The following ADGRG1 variants were observed in gnomAD, a reference collection of about 807,000 sequenced individuals.
ADGRG1 encodes 7-transmembrane protein with no EGF-like N-terminal domains-1.
A neutral mutation model predicts 73.5 loss-of-function variants in ADGRG1; 53 were observed. The observed-to-expected ratio is 0.72, with a 90% CI of 0.58 to 0.91. ADGRG1 has a LOEUF of 0.91. ADGRG1 is among the 40% of genes least tolerant of loss of function. The pLI, the probability that ADGRG1 is intolerant of heterozygous loss-of-function variation, is 0.00. For synonymous variants in ADGRG1, 394 were observed against 374.4 expected (o/e 1.05, Z -0.60); for missense variants, 795 against 871.8 (o/e 0.91, Z 1.11).
At chr16:57,638,903 C>G (rs1421146966) in intron 1 of ADGRG1, among the ~76,000 whole-genome samples, 1 of 152,016 alleles carries the variant, frequency 6.6e-6, no homozygotes, top group Non-Finnish European at 1.5e-5. Context: ...AACCCCGTCT[C>G]TACTAAAAAT....
In ADGRG1 at chr16:57,637,606, C is replaced by T. The variant is rs144828082; in HGVS notation, c.-36+8804C>T. 21 of 985,396 alleles carry T rather than the reference C, an allele frequency of 2.1e-5. No homozygotes were observed. The East Asian group carries it at 5.7e-4, about 27-fold the overall frequency. The allele number at this position is 985,396 out of a possible 1,614,324, so 61.0% of individuals were successfully genotyped here. ...AGGTTTCACCAGAGAACAGCAAGTC[C>T]TTTCTTTGCTTTCTTTTCCTCTTCC... On this transcript the variant is annotated intron_variant, in intron 1 of 13. Transcript: ENST00000562631.
chr16:57,630,511 G>A (rs565822185), intron 1 of ADGRG1: 69 of 985,484 alleles, frequency 7.0e-5, no homozygotes, highest in Non-Finnish European at 7.6e-5. Flanking sequence ...CCTGGCTCCC[G>A]TAGGCCTGGG....
At chr16:57,630,582 C>T (rs2037555090) in intron 1 of ADGRG1, 3 of 956,842 alleles carry the variant, frequency 3.1e-6, no homozygotes, top group African/African-American at 3.5e-5. Context: ...CTGTGACGGA[C>T]AGGCTGTGTC....
In ADGRG1 at chr16:57,655,460, C is replaced by T. The variant is rs546067405; in HGVS notation, c.830C>T (p.Thr277Met). Residue 277 changes from threonine (T) to methionine (M), a missense_variant, in exon 6 of 14, where the codon ACG (threonine) becomes ATG (methionine). Coordinates refer to ENST00000562631, the MANE Select transcript of ADGRG1 (RefSeq NM_201525.4). ...CTGCCTCGAACACTCTTCCAGAGGA[C>T]GAAAGGCCGGAGCGGGGAGGCTGAG... ...VLLPRTLFQR[T>M]KGRSGEAEKR... The T allele has an allele frequency of 1.0e-4, 161 of 1,613,742 alleles. 1 individual carries two copies. In the South Asian group the frequency reaches 1.2e-3, roughly 12 times the overall value.
At chr16:57,653,617 CAG>C in intron 4 of ADGRG1, 2 of 977,918 alleles carry the variant, frequency 2.0e-6, no homozygotes, top group Non-Finnish European at 2.4e-6. Flanking sequence ...GACCAAGGCT[CAG>C]AGACGGCAGA....
chr16:57,637,343 T>C (rs1343400604), intron 1 of ADGRG1: 1 of 985,308 alleles, frequency 1.0e-6, no homozygotes, highest in Non-Finnish European at 1.2e-6. Flanking sequence ...TTATTATTAC[T>C]ATGAGTGGGA....
intron 13 of ADGRG1, among the ~76,000 whole-genome samples, chr16:57,662,321 G>A (rs1390264159): frequency 6.6e-6 from 1 of 152,160 alleles, no homozygotes; most frequent in East Asian, 1.9e-4. Context: ...GGCCTCGGCT[G>A]GGGTGGGGGA....
At chr16:57,627,652 T>G, upstream of ADGRG1, 1 of 317,482 alleles carries the variant, frequency 3.1e-6, no homozygotes. Flanking sequence ...GTAATTACTG[T>G]TATTGTCACC....
intron 13 of ADGRG1, chr16:57,663,091 GC>G (rs1165339562): frequency 1.0e-6 from 1 of 984,426 alleles, no homozygotes; most frequent in Non-Finnish European, 1.2e-6. Context: ...TTTGAGGGGT[GC>G]AAAATCTCAC....
intron 7 of ADGRG1, 56 bp downstream of exon 7, chr16:57,656,048 C>A: frequency 1.9e-6 from 3 of 1,613,700 alleles, no homozygotes; most frequent in Non-Finnish European, 2.5e-6. Context: ...GTCACCCTTT[C>A]CTCTCCCTCC....
chr16:57,661,022 G>A, intron 12 of ADGRG1, 146 bp downstream of exon 12: 1 of 709,994 alleles, frequency 1.4e-6, no homozygotes, highest in East Asian at 2.7e-5. Flanking sequence ...TGAAGCACTG[G>A]TCTAAGAGTC....
chr16:57,663,779 G>A lies in ADGRG1; in HGVS notation c.*197G>A, dbSNP rs550208227. 1.1e-5 allele frequency: 7 copies of A among 640,028 alleles called. No homozygotes were observed. The highest frequency in any genetic ancestry group is 5.5e-5 in the East Asian group (2 of 36,508). 39.6% of individuals were successfully genotyped at this position (640,028 alleles called of 1,614,324 possible). ...TTTGAATTGGCCTTGGGGACTACTCGGCTCTCACTCAGCTCCCACGGGACT... is the reference window on the plus strand; with the variant it reads ...TTTGAATTGGCCTTGGGGACTACTCAGCTCTCACTCAGCTCCCACGGGACT... On this transcript the variant is annotated 3_prime_UTR_variant, in exon 14 of 14. Coordinates refer to ENST00000562631, the MANE Select transcript of ADGRG1 (RefSeq NM_201525.4).
rs1307658289 is a variant in ADGRG1 at position 57,655,471 on chromosome 16, A to AG, written c.842dup (p.Ser281ArgfsTer5). 6.2e-7 allele frequency: 1 copy of AG among 1,613,762 alleles called. No homozygotes were observed. On this transcript the variant is annotated frameshift_variant, in exon 6 of 14. Transcript: ENST00000562631. LOFTEE classifies it high-confidence loss of function. ...ACTCTTCCAGAGGACGAAAGGCCGGAGCGGGGAGGCTGAGAAGAGACTCCT... is the reference window on the plus strand; with the variant it reads ...ACTCTTCCAGAGGACGAAAGGCCGGAGGCGGGGAGGCTGAGAAGAGACTCCT...
Position 57,628,808 on chromosome 16 carries a change from C to G in ADGRG1, c.-36+6C>G. 3.0e-6 allele frequency: 3 copies of G among 984,998 alleles called. No homozygotes were observed. Among genetic ancestry groups the G allele is most frequent in the Non-Finnish European group, 3.6e-6 (3 of 830,034 alleles). The allele number at this position is 984,998 out of a possible 1,614,324, so 61.0% of individuals were successfully genotyped here. A position where few individuals can be genotyped will look rare whatever the true frequency, so the allele number is the denominator to read the frequency against. On this transcript the variant is annotated splice_donor_region_variant and intron_variant, in intron 1 of 13. Transcript: ENST00000562631. ...GACCCTCCACCTGGCAGCAGGTACCCAAACAAGGGCTGGACAGCAGGTGGG... is the reference window on the plus strand; with the variant it reads ...GACCCTCCACCTGGCAGCAGGTACCGAAACAAGGGCTGGACAGCAGGTGGG...
At chr16:57,656,864 G>C (rs550713115) in intron 9 of ADGRG1, among the ~76,000 whole-genome samples, 156 of 152,288 alleles carry the variant, frequency 1.0e-3, no homozygotes, top group African/African-American at 3.5e-3. Flanking sequence ...AAATTTTGGT[G>C]TGTACGAAAA....
At chr16:57,646,338 G>T in intron 1 of ADGRG1, 4 of 977,234 alleles carry the variant, frequency 4.1e-6, no homozygotes, top group Non-Finnish European at 4.9e-6. Flanking sequence ...CTGGAGCCCT[G>T]GGGGTGGGGC....
At chr16:57,660,667 A>G in intron 11 of ADGRG1, 101 bp from the exon 12 acceptor site, 1 of 1,519,084 alleles carries the variant, frequency 6.6e-7, no homozygotes, top group Non-Finnish European at 8.9e-7. Flanking sequence ...CAGGAGCCCA[A>G]ACTTCAGAGG....
chr16:57,621,745 C>A, intron 2 of ADGRG1: 2 of 447,582 alleles, frequency 4.5e-6, no homozygotes, highest in Non-Finnish European at 3.0e-6. Context: ...GCCTGGCATC[C>A]GAGCAGCTGC....
chr16:57,658,629 G>A (rs756009164), intron 10 of ADGRG1, among the ~76,000 whole-genome samples: 15 of 152,190 alleles, frequency 9.9e-5, no homozygotes, highest in African/African-American at 3.6e-4. Context: ...AGATGGGCTC[G>A]GCGGAAGGCT....
Sources: gnomAD v4.1 joint callset for allele counts (sites outside exome capture counted in the v4.1 genomes callset) on GRCh38, gnomAD v4.1.1 for gene constraint, MANE v1.5 for transcripts, NCBI Gene and HGNC (gene_info 2026-07-23, HGNC 2026-07-21) for gene names.